PLPP3: variants seen among roughly 807,000 people sequenced by gnomAD.
The protein encoded by PLPP3 is PAP2 beta.
Under a neutral mutation model 29.6 loss-of-function variants are expected in PLPP3, and 6 were observed. The observed-to-expected ratio is 0.20, with a 90% CI of 0.11 to 0.40. The LOEUF is 0.40. Ranked by LOEUF, PLPP3 falls within the 10% of genes least tolerant of loss-of-function variation. The probability of loss-of-function intolerance (pLI) is 1.00; values close to 1 mark genes in which losing one functional copy is unlikely to be tolerated. For missense variants in PLPP3, 308 were observed against 407.7 expected (o/e 0.76, Z 2.11); for synonymous variants, 152 against 159.7 (o/e 0.95, Z 0.36).
intron 1 of PLPP3, among the ~76,000 whole-genome samples, chr1:56,573,549 G>A (rs1366657571): frequency 6.6e-6 from 1 of 152,186 alleles, no homozygotes; most frequent in East Asian, 1.9e-4. Flanking sequence ...CACCGGCAGC[G>A]TTTATAAAAC....
chr1:56,525,029 T>A (rs906823943), intron 2 of PLPP3, among the ~76,000 whole-genome samples: 8 of 152,118 alleles, frequency 5.3e-5, no homozygotes, highest in Admixed American at 1.3e-4. Context: ...ACATTGGCCA[T>A]GGTGAGAGTT....
intron 5 of PLPP3, 78 bp from the exon 6 acceptor site, chr1:56,496,754 G>C (rs750648072): frequency 2.0e-5 from 31 of 1,533,292 alleles, no homozygotes; most frequent in Admixed American, 1.7e-4. Flanking sequence ...AAGGTCAGAG[G>C]AGCGCAGACT....
In PLPP3 at chr1:56,496,473, G is replaced by T; in HGVS notation, c.*78C>A. ...CAAAAGTTTTTCCCTACATTCTACT[G>T]TCTGATGAGATTGGAGAGCAGCAAG... On this transcript the variant is annotated 3_prime_UTR_variant, in exon 6 of 6. Coordinates refer to ENST00000371250, the MANE Select transcript of PLPP3 (RefSeq NM_003713.5). The T allele has an allele frequency of 2.0e-6, 3 of 1,522,112 alleles. No individual in the cohort carries two copies. The highest frequency in any genetic ancestry group is 1.8e-6 in the Non-Finnish European group (2 of 1,112,716). 94.3% of individuals were successfully genotyped at this position (1,522,112 alleles called of 1,614,324 possible).
At chr1:56,518,715 T>TTTTATATATATATATATA (rs1553136509) in intron 4 of PLPP3, among the ~76,000 whole-genome samples, 1 of 126,670 alleles carries the variant, frequency 7.9e-6, no homozygotes, top group African/African-American at 2.8e-5. Context: ...TTTTAATCAT[T>TTTTATATATATATATATA]TATATATATA....
intron 1 of PLPP3, among the ~76,000 whole-genome samples, chr1:56,562,377 C>T (rs12070247): frequency 0.058 from 8,821 of 151,990 alleles, 683 homozygotes; most frequent in African/African-American, 0.17. Context: ...AAAGAATACA[C>T]GGGGGAGGAG....
At chr1:56,563,432 T>A (rs1258000793) in intron 1 of PLPP3, among the ~76,000 whole-genome samples, 4 of 152,192 alleles carry the variant, frequency 2.6e-5, no homozygotes, top group Non-Finnish European at 4.4e-5. Flanking sequence ...TAAGAAGAAT[T>A]AACAATACAA....
Position 56,578,971 on chromosome 1 carries a change from T to C in PLPP3, c.46A>G (p.Asn16Asp), listed in dbSNP as rs771905409. Reference sequence around the variant, plus strand: ...TTGTTGAGCGCCGGGCTGCCGCCGTTCTTGCTCTCCGGGACGATCGCTTTG... The same window carrying C: ...TTGTTGAGCGCCGGGCTGCCGCCGTCCTTGCTCTCCGGGACGATCGCTTTG... The part of the protein sequence containing the change: ...YDKAIVPESK[N>D]GGSPALNNNP... Residue 16 changes from asparagine to aspartate, a missense_variant, in exon 1 of 6, where the codon AAC (asparagine) becomes GAC (aspartate). Transcript: ENST00000371250. 6.2e-7 allele frequency: 1 copy of C among 1,602,424 alleles called. No homozygotes were observed. Among genetic ancestry groups the C allele is most frequent in the Non-Finnish European group, 8.5e-7 (1 of 1,175,432 alleles).
chr1:56,523,451 G>T (rs1645832431), intron 4 of PLPP3, among the ~76,000 whole-genome samples: 1 of 152,158 alleles, frequency 6.6e-6, no homozygotes, highest in East Asian at 1.9e-4. Context: ...GGTGGTGCAA[G>T]AGTAAGTGGT....
intron 1 of PLPP3, among the ~76,000 whole-genome samples, chr1:56,556,350 G>C (rs894410788): frequency 1.3e-5 from 2 of 152,108 alleles, no homozygotes; most frequent in Non-Finnish European, 2.9e-5. Context: ...ACTTAATTAT[G>C]AATGATGTTA....
intron 1 of PLPP3, among the ~76,000 whole-genome samples, chr1:56,548,517 T>C (rs1374376845): frequency 6.6e-6 from 1 of 152,212 alleles, no homozygotes; most frequent in Non-Finnish European, 1.5e-5. Flanking sequence ...CCCAGAGATC[T>C]AAGGCTTCTC....
chr1:56,576,337 A>C (rs1285462961), intron 1 of PLPP3, among the ~76,000 whole-genome samples: 1 of 152,238 alleles, frequency 6.6e-6, no homozygotes, highest in Admixed American at 6.5e-5. Context: ...AATTATACTG[A>C]CGGTCTTAGG....
Position 56,524,830 on chromosome 1 carries a change from G to T in PLPP3, c.298-276C>A, listed in dbSNP as rs1387107906. Among the ~76,000 whole-genome samples, 2 of 149,914 alleles carry T rather than the reference G, an allele frequency of 1.3e-5. No homozygotes were observed. The highest frequency in any genetic ancestry group is 3.0e-5 in the Non-Finnish European group (2 of 67,164). On this transcript the variant is annotated intron_variant, in intron 2 of 5. Transcript: ENST00000371250. The surrounding 1 kb of genome is among the most constrained non-coding windows in gnomAD (Gnocchi z 4.3). ...TATGTGTGTGTGTGTGTGTGTGTGT[G>T]TGTATCTTTTTTTTTAAGGGAGAGA...
At chr1:56,574,144 G>A (rs1336924627) in intron 1 of PLPP3, among the ~76,000 whole-genome samples, 2 of 150,586 alleles carry the variant, frequency 1.3e-5, no homozygotes, top group Non-Finnish European at 2.9e-5. Context: ...AGGTTGCAGC[G>A]AGCCAAGATC....
intron 4 of PLPP3, chr1:56,513,823 T>A (rs1304852183): frequency 6.6e-6 from 1 of 151,814 alleles, no homozygotes; most frequent in Non-Finnish European, 1.5e-5. Flanking sequence ...CAGTTAAAAA[T>A]GTAAAAGAAG....
At chr1:56,571,535 A>G (rs567518582) in intron 1 of PLPP3, among the ~76,000 whole-genome samples, 2 of 152,330 alleles carry the variant, frequency 1.3e-5, no homozygotes, top group East Asian at 3.9e-4. Context: ...TATCGTTGAT[A>G]ATGAAATCTC....
intron 5 of PLPP3, 62 bp downstream of exon 5, chr1:56,511,914 A>G: frequency 1.3e-6 from 2 of 1,591,898 alleles, no homozygotes; most frequent in South Asian, 2.2e-5. Context: ...ACTGAGCTGG[A>G]AACATTTAAC....
intron 1 of PLPP3, among the ~76,000 whole-genome samples, chr1:56,555,431 A>C (rs1223906215): frequency 1.0e-5 from 1 of 97,140 alleles, no homozygotes; most frequent in South Asian, 4.2e-4. Flanking sequence ...AAGGCCAAAC[A>C]CTAAAAAAAA....
At chr1:56,519,076 A>C (rs923621382) in intron 4 of PLPP3, among the ~76,000 whole-genome samples, 3 of 152,086 alleles carry the variant, frequency 2.0e-5, no homozygotes, top group South Asian at 4.1e-4. Flanking sequence ...AGGCCTTGAC[A>C]CAAAGTGGCT....
At chr1:56,535,626 C>T (rs1223565144) in intron 2 of PLPP3, among the ~76,000 whole-genome samples, 1 of 152,152 alleles carries the variant, frequency 6.6e-6, no homozygotes, top group Non-Finnish European at 1.5e-5. Context: ...CTAAGAAATG[C>T]TGACATCCCT....
Sources: allele counts gnomAD v4.1 joint callset (sites outside exome capture counted in the v4.1 genomes callset), GRCh38; gene constraint gnomAD v4.1.1; non-coding constraint Gnocchi (gnomAD v3.1); transcripts MANE v1.5; gene names NCBI Gene and HGNC (gene_info 2026-07-23, HGNC 2026-07-21).